The following FBXL18 variants were observed in gnomAD, a reference collection of about 807,000 sequenced individuals.
FBXL18 encodes F-box and leucine rich repeat protein 18, also known as F-box/LRR-repeat protein 18.
A neutral mutation model predicts 46.0 loss-of-function variants in FBXL18; 36 were observed. The observed-to-expected ratio is 0.78, with a 90% CI of 0.60 to 1.03. The LOEUF (loss-of-function observed/expected upper bound fraction) is 1.03, where lower values mean the gene tolerates loss of function less well. Among genes scored for constraint, FBXL18 ranks in the 50% least tolerant of loss-of-function variants. FBXL18 has a pLI of 0.00. For missense variants in FBXL18, 977 were observed against 1,004.1 expected, an observed-to-expected ratio of 0.97 and a Z score of 0.36; for synonymous variants, 557 against 465.3, an observed-to-expected ratio of 1.20 and a Z score of -2.54.
At chr7:5,458,253 C>G (rs1015203286) in intron 4 of FBXL18, among the ~76,000 whole-genome samples, 3 of 152,156 alleles carry the variant, frequency 2.0e-5, no homozygotes, top group Admixed American at 6.6e-5. Context: ...AACCACCCCC[C>G]AAGGCCTTGC....
intron 2 of FBXL18, among the ~76,000 whole-genome samples, chr7:5,504,019 G>A (rs986660706): frequency 7.3e-5 from 11 of 150,338 alleles, no homozygotes; most frequent in Non-Finnish European, 1.3e-4. Flanking sequence ...GGCTAGAGGC[G>A]CCGAGCCCTT....
At chr7:5,489,302 G>C (rs549828027) in intron 4 of FBXL18, 7 of 518,824 alleles carry the variant, frequency 1.3e-5, no homozygotes, top group Non-Finnish European at 7.7e-6. Context: ...TCCAGGGAAA[G>C]TTGGCAGCAT....
chr7:5,513,622 G>C, intron 1 of FBXL18, 35 bp downstream of exon 1: 1 of 1,611,568 alleles, frequency 6.2e-7, no homozygotes, highest in Non-Finnish European at 8.5e-7. Flanking sequence ...AGGCCGCCGA[G>C]GCAGAAGCAG....
At position 5,491,574 on chromosome 7, in the gene FBXL18, C is replaced by T. The variant is rs1348564310; in HGVS notation, c.1782-125G>A. 4 of 759,832 alleles carry T rather than the reference C, an allele frequency of 5.3e-6. No homozygotes were observed. The African/African-American group carries it at 5.3e-5, about 10-fold the overall frequency. 47.1% of individuals were successfully genotyped at this position (759,832 alleles called of 1,614,324 possible). On this transcript the variant is annotated intron_variant, in intron 3 of 4. Coordinates refer to ENST00000382368, the MANE Select transcript of FBXL18 (RefSeq NM_024963.6). ...GGGCCCAGCCCAGCTGTTCCCGCCACCTCCCACCAATACCACTATCCCTTG... is the reference window on the plus strand; with the variant it reads ...GGGCCCAGCCCAGCTGTTCCCGCCATCTCCCACCAATACCACTATCCCTTG...
Position 5,484,777 on chromosome 7 carries a change from T to A in FBXL18, c.2001-2846A>T, listed in dbSNP as rs529044366. On this transcript the variant is annotated intron_variant, in intron 4 of 4. Transcript: ENST00000382368. ...TCTCAGCCTCCCAAGCAGCCAGGATTACAGGTGCCCGCCACCATGCCTGGC... is the reference window on the plus strand; with the variant it reads ...TCTCAGCCTCCCAAGCAGCCAGGATAACAGGTGCCCGCCACCATGCCTGGC... Among the ~76,000 whole-genome samples the A allele has an allele frequency of 3.0e-3, 456 of 151,912 alleles. 2 individuals are homozygous for A. The highest frequency in any genetic ancestry group is 0.01 in the African/African-American group (435 of 41,452).
chr7:5,500,582 G>C lies in FBXL18; in HGVS notation c.1687C>G (p.Leu563Val), dbSNP rs754904836. ...ATCATGCCCAGGTTGGCCAGCGACA[G>C]GGACCGCAACTGCTGGCACTGCAGG... is the stretch of plus-strand genomic sequence containing the variant. ...IGLQCQQLRS[L>V]SLANLGMMGK... The change falls in exon 3 of 5, where the codon CTG becomes GTG. Residue 563 changes from leucine (L) to valine (V), a missense_variant. Coordinates refer to ENST00000382368, the MANE Select transcript of FBXL18 (RefSeq NM_024963.6). 6.2e-7 allele frequency: 1 copy of C among 1,613,580 alleles called. No homozygotes were observed. Among genetic ancestry groups the C allele is most frequent in the South Asian group, 1.1e-5 (1 of 91,088 alleles).
chr7:5,492,315 G>A (rs562815557), intron 3 of FBXL18, among the ~76,000 whole-genome samples: 12 of 151,680 alleles, frequency 7.9e-5, no homozygotes, highest in South Asian at 6.3e-4. Context: ...GGACAGGCCC[G>A]GGGGGCCCTT....
chr7:5,492,286 G>T (rs1207040657), intron 3 of FBXL18, among the ~76,000 whole-genome samples: 1 of 151,338 alleles, frequency 6.6e-6, no homozygotes, highest in Non-Finnish European at 1.5e-5. Context: ...TGGCAGATGT[G>T]GGGATGTGGC....
At chr7:5,466,098 G>A (rs879764788) in intron 4 of FBXL18, among the ~76,000 whole-genome samples, 3 of 151,428 alleles carry the variant, frequency 2.0e-5, no homozygotes, top group Admixed American at 1.3e-4. Context: ...GATTATAGGC[G>A]TGAGCTACCG....
At chr7:5,471,870 T>G (rs963264738), downstream of FBXL18, among the ~76,000 whole-genome samples, 1 of 152,164 alleles carries the variant, frequency 6.6e-6, no homozygotes, top group African/African-American at 2.4e-5. Flanking sequence ...CCCAGCATTT[T>G]GGGAGGCTGA....
At chr7:5,475,000 G>T (rs1419905947), downstream of FBXL18, among the ~76,000 whole-genome samples, 1 of 145,576 alleles carries the variant, frequency 6.9e-6, no homozygotes, top group Non-Finnish European at 1.5e-5. Flanking sequence ...GAGCCACCGC[G>T]CCTGGCCAAA....
chr7:5,489,207 GAC>G (rs776144575), intron 4 of FBXL18: 5 of 514,380 alleles, frequency 9.7e-6, no homozygotes, highest in Non-Finnish European at 7.8e-6. Context: ...TTTATTTACT[GAC>G]ACAAGAGGAC....
chr7:5,467,291 C>A (rs1002241705), intron 4 of FBXL18, among the ~76,000 whole-genome samples: 1 of 152,112 alleles, frequency 6.6e-6, no homozygotes, highest in Non-Finnish European at 1.5e-5. Flanking sequence ...GCGGAGCTTG[C>A]AGTGAGCCGA....
intron 4 of FBXL18, among the ~76,000 whole-genome samples, chr7:5,464,720 G>T (rs1219006393): frequency 6.8e-6 from 1 of 147,062 alleles, no homozygotes; most frequent in East Asian, 2.0e-4. Context: ...AAAAAAAGTG[G>T]GTGGGAGCAT....
rs772385519 is a variant in FBXL18 at position 5,505,492 on chromosome 7, G to A, written c.157C>T (p.Arg53Trp). The A allele has an allele frequency of 5.8e-5, 94 of 1,614,018 alleles. No individual in the cohort carries two copies. The highest frequency in any genetic ancestry group is 1.2e-4 in the Admixed American group (7 of 59,978). The part of the protein sequence containing the change: ...VPSTDLILNV[R>W]RTCRKLAALC... ...GCTGCAAGCTTCCGACAGGTACGCC[G>A]GACGTTCAGAATCAGATCTGTGCTG... The change falls in exon 2 of 5, where the codon CGG becomes TGG. Residue 53 changes from arginine (R) to tryptophan (W), a missense_variant. Coordinates refer to ENST00000382368, the MANE Select transcript of FBXL18 (RefSeq NM_024963.6).
chr7:5,482,939 G>C (rs1783685172), intron 4 of FBXL18, among the ~76,000 whole-genome samples: 1 of 151,884 alleles, frequency 6.6e-6, no homozygotes, highest in Non-Finnish European at 1.5e-5. Context: ...TTGGGAGGCT[G>C]AGGCAGGAGG....
At chr7:5,464,534 G>T (rs1783313027) in intron 4 of FBXL18, among the ~76,000 whole-genome samples, 1 of 151,204 alleles carries the variant, frequency 6.6e-6, no homozygotes, top group African/African-American at 2.4e-5. Context: ...GTTGTGGCAG[G>T]TGCCTGTGGT....
At chr7:5,510,582 A>G (rs1039447777) in intron 1 of FBXL18, among the ~76,000 whole-genome samples, 2 of 150,264 alleles carry the variant, frequency 1.3e-5, no homozygotes, top group African/African-American at 4.9e-5. Context: ...GCTATTCAAG[A>G]GGCAGAAGTG....
At chr7:5,470,007 G>C (rs1783403036) in intron 4 of FBXL18, among the ~76,000 whole-genome samples, 1 of 152,150 alleles carries the variant, frequency 6.6e-6, no homozygotes, top group African/African-American at 2.4e-5. Flanking sequence ...TGAAGTGTAC[G>C]GGTATGAACG....
Sources: gnomAD v4.1 joint callset for allele counts (sites outside exome capture counted in the v4.1 genomes callset) on GRCh38, gnomAD v4.1.1 for gene constraint, MANE v1.5 for transcripts, NCBI Gene and HGNC (gene_info 2026-07-23, HGNC 2026-07-21) for gene names.